DIO2: variants seen among roughly 807,000 people sequenced by gnomAD.
The protein encoded by DIO2 is iodothyronine deiodinase 2.
A neutral mutation model predicts 21.4 loss-of-function variants in DIO2; 19 were observed. That is an observed-to-expected ratio of 0.89 (90% confidence interval 0.62 to 1.30). The LOEUF is 1.30. DIO2 is among the 50% of genes most tolerant of loss of function. The pLI is 0.00. For synonymous variants in DIO2, 122 were observed against 132.9 expected (o/e 0.92, Z 0.57); for missense variants, 302 against 338.1 (o/e 0.89, Z 0.84).
intron 1 of DIO2, among the ~76,000 whole-genome samples, chr14:80,204,741 G>A (rs1198693728): frequency 6.6e-6 from 1 of 152,176 alleles, no homozygotes; most frequent in Non-Finnish European, 1.5e-5. Context: ...AATTGTTAAA[G>A]ATGTAACAAT....
At chr14:80,226,166 A>C (rs1888571807) in intron 2 of DIO2, among the ~76,000 whole-genome samples, 1 of 152,178 alleles carries the variant, frequency 6.6e-6, no homozygotes, top group African/African-American at 2.4e-5. Context: ...GAGCATACAC[A>C]GCCTTCTGGA....
At chr14:80,205,497 AC>A (rs1566661474) in intron 1 of DIO2, 2 of 783,346 alleles carry the variant, frequency 2.6e-6, no homozygotes, top group Non-Finnish European at 3.4e-6. Context: ...TGCGCCTCTA[AC>A]CCCCTGATTC....
intron 2 of DIO2, among the ~76,000 whole-genome samples, chr14:80,217,664 A>T (rs1426543025): frequency 6.6e-6 from 1 of 152,204 alleles, no homozygotes; most frequent in Admixed American, 6.5e-5. Context: ...TGTACAAACA[A>T]ATTTCTAAAT....
intron 2 of DIO2, among the ~76,000 whole-genome samples, chr14:80,218,832 G>T (rs1888406318): frequency 6.6e-6 from 1 of 152,048 alleles, no homozygotes. Flanking sequence ...ACAAAAATTA[G>T]CATGGCGTGG....
At chr14:80,230,625 AG>A (rs1037864011) in intron 2 of DIO2, among the ~76,000 whole-genome samples, 2 of 152,204 alleles carry the variant, frequency 1.3e-5, no homozygotes, top group African/African-American at 4.8e-5. Flanking sequence ...GCTGTGAATC[AG>A]GAGTGGCAAA....
At chr14:80,212,122 C>T (rs1325790978), upstream of DIO2, 2 of 151,746 alleles carry the variant, frequency 1.3e-5, no homozygotes, top group East Asian at 3.9e-4. Flanking sequence ...TCTTTTTTCT[C>T]ACTCTCTGTC....
intron 2 of DIO2, among the ~76,000 whole-genome samples, chr14:80,229,822 T>C (rs1248300323): frequency 2.0e-5 from 3 of 152,194 alleles, no homozygotes; most frequent in Non-Finnish European, 2.9e-5. Flanking sequence ...CATTAACTCA[T>C]ACCATTAATG....
chr14:80,226,791 G>A (rs1419234794), intron 2 of DIO2, among the ~76,000 whole-genome samples: 1 of 152,158 alleles, frequency 6.6e-6, no homozygotes, highest in African/African-American at 2.4e-5. Context: ...CCACAGAATG[G>A]GTCATCCTAT....
chr14:80,213,389 G>A (rs185345161), upstream of DIO2, among the ~76,000 whole-genome samples: 280 of 152,258 alleles, frequency 1.8e-3, 7 homozygotes, highest in East Asian at 7.7e-3. Context: ...AGCGTATTGC[G>A]TATTTTTTCC....
At chr14:80,205,639 C>G in intron 1 of DIO2, 1 of 1,333,186 alleles carries the variant, frequency 7.5e-7, no homozygotes, top group South Asian at 1.2e-5. Context: ...GGCACCTTCT[C>G]CTTCTTAGAA....
Position 80,202,775 on chromosome 14 carries a change from G to A in DIO2, c.736C>T (p.Pro246Ser), listed in dbSNP as rs750739679. The A allele has an allele frequency of 3.7e-6, 6 of 1,613,816 alleles. No homozygotes were observed. The highest frequency in any genetic ancestry group is 3.3e-5 in the South Asian group (3 of 91,080). Residue 246 changes from proline to serine, a missense_variant, in exon 2 of 2, where the codon CCC (proline) becomes TCC (serine). Pro to Ser is a moderately conservative substitution (Grantham distance 74). Coordinates refer to ENST00000438257, the MANE Select transcript of DIO2 (RefSeq NM_013989.5). ...QKIAYLGGKG[P>S]FSYNLQEVRH... is the part of the protein sequence containing the mutation. ...ACTTCTTGAAGGTTGTAGGAGAAGG[G>A]GCCCTTTCCTCCCAGATAAGCAATT...
intron 1 of DIO2, 58 bp downstream of exon 1, chr14:80,211,193 A>C: frequency 6.6e-7 from 1 of 1,525,720 alleles, no homozygotes; most frequent in South Asian, 1.2e-5. Context: ...TCTGGTCCCC[A>C]GCATATGAGC....
intron 2 of DIO2, among the ~76,000 whole-genome samples, chr14:80,224,534 CAA>C (rs1491466494): frequency 6.7e-6 from 1 of 148,344 alleles, no homozygotes; most frequent in African/African-American, 2.5e-5. Context: ...CACACACACA[CAA>C]GACAACAATG....
intron 1 of DIO2, among the ~76,000 whole-genome samples, chr14:80,208,489 C>A (rs773356957): frequency 1.4e-4 from 21 of 152,190 alleles, no homozygotes; most frequent in Non-Finnish European, 2.9e-4. Context: ...ACATATCTTT[C>A]CAGGCATCTG....
At chr14:80,223,498 G>T (rs1888509054) in intron 2 of DIO2, among the ~76,000 whole-genome samples, 1 of 152,174 alleles carries the variant, frequency 6.6e-6, no homozygotes, top group Non-Finnish European at 1.5e-5. Context: ...TGAGAAGAAA[G>T]GGGTAATTTA....
Position 80,209,912 on chromosome 14 carries a change from ACTT to A in DIO2, c.222+1336_222+1338del, listed in dbSNP as rs541539367. Among the ~76,000 whole-genome samples the A allele has an allele frequency of 3.9e-3, 599 of 152,240 alleles. 4 individuals are homozygous for A. Among genetic ancestry groups the A allele is most frequent in the African/African-American group, 0.014 (571 of 41,540 alleles). On this transcript the variant is annotated intron_variant, in intron 1 of 1. Coordinates refer to ENST00000438257, the MANE Select transcript of DIO2 (RefSeq NM_013989.5). ...TGAATTCTTTGTAATTTTACAAGTT[ACTT>A]CTTCTCTTTTCTTGGCGCATGGTTT...
At chr14:80,227,678 C>G (rs913052006) in intron 2 of DIO2, among the ~76,000 whole-genome samples, 1 of 152,192 alleles carries the variant, frequency 6.6e-6, no homozygotes, top group Non-Finnish European at 1.5e-5. Context: ...ACACCTCAAG[C>G]ATGATTGGAT....
intron 2 of DIO2, among the ~76,000 whole-genome samples, chr14:80,220,978 G>T (rs956980852): frequency 6.6e-6 from 1 of 152,094 alleles, no homozygotes; most frequent in Non-Finnish European, 1.5e-5. Flanking sequence ...CAGAGTATAA[G>T]AAGTTCCTGC....
At chr14:80,216,328 T>C (rs1213202738), upstream of DIO2, among the ~76,000 whole-genome samples, 2 of 152,196 alleles carry the variant, frequency 1.3e-5, no homozygotes, top group South Asian at 4.1e-4. Context: ...GGCGATGCTC[T>C]TTGTGAGGCA....
Sources: gnomAD v4.1 joint callset for allele counts (sites outside exome capture counted in the v4.1 genomes callset) on GRCh38, gnomAD v4.1.1 for gene constraint, MANE v1.5 for transcripts, NCBI Gene and HGNC (gene_info 2026-07-23, HGNC 2026-07-21) for gene names.